Variants in MAP3K10 observed in about 807,000 individuals in gnomAD.
MAP3K10 encodes the protein MKN28 derived nonreceptor_type serine/threonine kinase.
In MAP3K10, 22 loss-of-function variants were observed where a neutral mutation model predicts 75.0. The observed-to-expected ratio is 0.29, with a 90% confidence interval of 0.21 to 0.42. MAP3K10 has a LOEUF of 0.42. MAP3K10 is among the 10% of genes least tolerant of loss of function. The pLI is 1.00. For missense variants in MAP3K10, 1,165 were observed against 1,379.8 expected (o/e 0.84, Z 2.47); for synonymous variants, 599 against 612.9 (o/e 0.98, Z 0.34).
chr19:40,194,801 G>A (rs1397038183), intron 1 of MAP3K10, among the ~76,000 whole-genome samples: 1 of 152,192 alleles, frequency 6.6e-6, no homozygotes, highest in Admixed American at 6.5e-5. Context: ...TTACAGAAGT[G>A]AACAAGGCAA....
chr19:40,210,696 G>A (rs1689707946), intron 6 of MAP3K10, among the ~76,000 whole-genome samples: 1 of 151,084 alleles, frequency 6.6e-6, no homozygotes, highest in Non-Finnish European at 1.5e-5. Flanking sequence ...GTGAGACTCA[G>A]TCTCAAAAAA....
In MAP3K10 at chr19:40,214,002, T is replaced by TGCCCCCCA; in HGVS notation, c.2323_2324insGCCCCCCA (p.Ser775CysfsTer50). The TGCCCCCCA allele has an allele frequency of 6.7e-7, 1 of 1,493,668 alleles. No individual in the cohort carries two copies. The highest frequency in any genetic ancestry group is 8.9e-7 in the Non-Finnish European group (1 of 1,123,852). 92.5% of individuals were successfully genotyped at this position (1,493,668 alleles called of 1,614,324 possible). On this transcript the variant is annotated frameshift_variant, in exon 9 of 10. Transcript: ENST00000253055. LOFTEE classifies it high-confidence loss of function. ...TGACGAGGCCGCACCGGCCGCGCCC[T>TGCCCCCCA]CCCCACCACCCTCCCCGCCCGCGCC...
chr19:40,208,930 A>G (rs1973184464), intron 5 of MAP3K10, among the ~76,000 whole-genome samples, 173 bp from the exon 6 acceptor site: 1 of 152,190 alleles, frequency 6.6e-6, no homozygotes, highest in African/African-American at 2.4e-5. Flanking sequence ...AGAAATTTTC[A>G]GCTGATGGTG....
chr19:40,197,313 C>T (rs1568487391), intron 1 of MAP3K10, among the ~76,000 whole-genome samples: 1 of 152,008 alleles, frequency 6.6e-6, no homozygotes, highest in Non-Finnish European at 1.5e-5. Flanking sequence ...TGCACTCTGC[C>T]TTTGTTTTTG....
rs1461889398 is a variant in MAP3K10, at chr19:40,192,383, C to G, written c.352C>G (p.Arg118Gly). The part of the protein sequence containing the change: ...GFGKVYRALW[R>G]GEEVAVKAAR... Reference sequence around the variant, plus strand: ...TGGCAAGGTCTATCGGGCCCTGTGGCGTGGCGAGGAGGTGGCAGTCAAGGC... The same window carrying G: ...TGGCAAGGTCTATCGGGCCCTGTGGGGTGGCGAGGAGGTGGCAGTCAAGGC... The change falls in exon 1 of 10, where the codon CGT (arginine) becomes GGT (glycine). Residue 118 changes from arginine to glycine, a missense_variant. Physicochemically the swap from Arg to Gly is moderately radical, Grantham distance 125. Coordinates refer to ENST00000253055, the MANE Select transcript of MAP3K10 (RefSeq NM_002446.4). The surrounding 1 kb of genome is among the most constrained non-coding windows in gnomAD (Gnocchi z 7.1). 3.1e-6 allele frequency: 5 copies of G among 1,613,802 alleles called. No individual in the cohort carries two copies. The highest frequency in any genetic ancestry group is 4.2e-6 in the Non-Finnish European group (5 of 1,179,908).
At chr19:40,200,596 C>T (rs1048430243) in intron 2 of MAP3K10, among the ~76,000 whole-genome samples, 3 of 140,146 alleles carry the variant, frequency 2.1e-5, no homozygotes, top group Non-Finnish European at 3.1e-5. Context: ...GTACATCAGG[C>T]GTTCATTTGT....
rs1352700113 is a variant in MAP3K10 at position 40,191,586 on chromosome 19, G to T, written c.-446G>T. ...CCCGGCCCGGGGCGGCCGCCCCAGG[G>T]GCCCCGCCACCCCCGCCCGGCCCGG... On this transcript the variant is annotated 5_prime_UTR_variant, in exon 1 of 10. Coordinates refer to ENST00000253055, the MANE Select transcript of MAP3K10 (RefSeq NM_002446.4). Among the ~76,000 whole-genome samples the T allele has an allele frequency of 6.8e-6, 1 of 147,516 alleles. No homozygotes were observed. The highest frequency in any genetic ancestry group is 1.5e-5 in the Non-Finnish European group (1 of 66,240).
chr19:40,215,355 C>T lies in MAP3K10; in HGVS notation c.*63C>T. On this transcript the variant is annotated 3_prime_UTR_variant, in exon 10 of 10. Coordinates refer to ENST00000253055, the MANE Select transcript of MAP3K10 (RefSeq NM_002446.4). The stretch of plus-strand genomic sequence containing the variant: ...GTAGCGCCCCAGGCCCTGCCCCAGC[C>T]CGCCATGCCACAAGGTGGGGGAGGC... 2.1e-6 allele frequency: 3 copies of T among 1,430,746 alleles called. No homozygotes were observed. The highest frequency in any genetic ancestry group is 2.8e-6 in the Non-Finnish European group (3 of 1,061,920). The allele number at this position is 1,430,746 out of a possible 1,614,324, so 88.6% of individuals were successfully genotyped here.
rs146363391 is a variant in MAP3K10, at chr19:40,212,973, A to T, written c.1721A>T (p.Glu574Val). The change falls in exon 7 of 10, where the codon GAG becomes GTG. Residue 574 changes from glutamate (E) to valine (V), a missense_variant. Glu to Val is a moderately radical substitution (Grantham distance 121). Coordinates refer to ENST00000253055, the MANE Select transcript of MAP3K10 (RefSeq NM_002446.4). This position sits in a 1 kb window ranked among gnomAD's most constrained non-coding sequence, Gnocchi z 4.2. ...CAGAAGGAGCGGGTGGGAGGAGAGGAGAGGTGAGGTGTGGTGTGGTCATGC... is the reference window on the plus strand; with the variant it reads ...CAGAAGGAGCGGGTGGGAGGAGAGGTGAGGTGAGGTGTGGTGTGGTCATGC... ...TLQKERVGGE[E>V]RLKGLGEGSK... is the part of the protein sequence containing the mutation. The T allele has an allele frequency of 6.2e-7, 1 of 1,601,408 alleles. No homozygotes were observed. Among genetic ancestry groups the T allele is most frequent in the Non-Finnish European group, 8.5e-7 (1 of 1,173,512 alleles).
chr19:40,214,882 A>G lies in MAP3K10; in HGVS notation c.2543-88A>G, dbSNP rs1396035052. 8.9e-6 allele frequency: 6 copies of G among 676,658 alleles called. No individual in the cohort carries two copies. The African/African-American group carries it at 1.1e-4, about 12-fold the overall frequency. The allele number at this position is 676,658 out of a possible 1,614,324, so 41.9% of individuals were successfully genotyped here. A position where few individuals can be genotyped will look rare whatever the true frequency, so the allele number is the denominator to read the frequency against. ...CCACGGATTTCTCGAGAGAAACCAG[A>G]ACTTGTGCTTTTCATGTAACAGCTC... On this transcript the variant is annotated intron_variant, in intron 9 of 9. Coordinates refer to ENST00000253055, the MANE Select transcript of MAP3K10 (RefSeq NM_002446.4).
rs748219350 is a variant in MAP3K10 at position 40,212,945 on chromosome 19, C to A, written c.1693C>A (p.Leu565Met). The A allele has an allele frequency of 6.2e-7, 1 of 1,610,748 alleles. No individual in the cohort carries two copies. The highest frequency in any genetic ancestry group is 2.2e-5 in the East Asian group (1 of 44,868). Residue 565 changes from leucine to methionine, a missense_variant, in exon 7 of 10, where the codon CTG (leucine) becomes ATG (methionine). By Grantham distance (15) the Leu-to-Met change is conservative. Transcript: ENST00000253055. The surrounding 1 kb of genome is among the most constrained non-coding windows in gnomAD (Gnocchi z 4.2). The stretch of plus-strand genomic sequence containing the variant: ...ACGAACGTGGGGGCCCAGCTCCACC[C>A]TGCAGAAGGAGCGGGTGGGAGGAGA... ...KGRTWGPSSTLQKERVGGEER... is the reference protein window; with the variant it reads ...KGRTWGPSSTMQKERVGGEER...
chr19:40,192,662 C>A lies in MAP3K10; in HGVS notation c.631C>A (p.His211Asn). ...VQVARGMNYL[H>N]NDAPVPIIHR... The stretch of plus-strand genomic sequence containing the variant: ...GGTGGCCCGGGGCATGAACTACCTA[C>A]ACAATGATGCCCCTGTGCCCATCAT... The change falls in exon 1 of 10, where the codon CAC (histidine) becomes AAC (asparagine). Residue 211 changes from histidine to asparagine, a missense_variant. Around this residue, in one of 2 missense-constraint regions of MAP3K10, gnomAD observed 575 missense variants for 793.2 expected, o/e 0.72. Coordinates refer to ENST00000253055, the MANE Select transcript of MAP3K10 (RefSeq NM_002446.4). This position sits in a 1 kb window ranked among gnomAD's most constrained non-coding sequence, Gnocchi z 7.1. 6.3e-7 allele frequency: 1 copy of A among 1,584,066 alleles called. No individual in the cohort carries two copies. The highest frequency in any genetic ancestry group is 1.2e-5 in the South Asian group (1 of 85,904).
chr19:40,195,522 C>G (rs1040126154), intron 1 of MAP3K10, among the ~76,000 whole-genome samples: 11 of 111,462 alleles, frequency 9.9e-5, no homozygotes, highest in Non-Finnish European at 1.7e-4. Flanking sequence ...ACAGAGTCAT[C>G]TCACTCTGTG....
Position 40,212,332 on chromosome 19 carries a change from G to A in MAP3K10, c.1553-473G>A, listed in dbSNP as rs550568293. Among the ~76,000 whole-genome samples the A allele has an allele frequency of 6.6e-6, 1 of 152,006 alleles. No homozygotes were observed. ...CCCACCCACAGCCCCCCTGCCCTCT[G>A]TCTGGGCACCTGCTTTGTACCAGGC... is the stretch of plus-strand genomic sequence containing the variant. On this transcript the variant is annotated intron_variant, in intron 6 of 9. Transcript: ENST00000253055. This position sits in a 1 kb window ranked among gnomAD's most constrained non-coding sequence, Gnocchi z 4.2.
Position 40,213,582 on chromosome 19 carries a change from T to C in MAP3K10, c.1903T>C (p.Tyr635His). ...VPPSPYSTPS[Y>H]LSVPLPAEPS... is the part of the protein sequence containing the mutation. Reference sequence around the variant, plus strand: ...CCCTTCCCCCTACTCGACCCCGTCCTACCTCTCAGTGCCACTGCCTGCCGA... The same window carrying C: ...CCCTTCCCCCTACTCGACCCCGTCCCACCTCTCAGTGCCACTGCCTGCCGA... Residue 635 changes from tyrosine (Y) to histidine (H), a missense_variant, in exon 9 of 10, where the codon TAC becomes CAC. Tyr to His is a moderately conservative substitution (Grantham distance 83). Around this residue, in one of 2 missense-constraint regions of MAP3K10, gnomAD observed 590 missense variants for 586.6 expected, o/e 1.01. Coordinates refer to ENST00000253055, the MANE Select transcript of MAP3K10 (RefSeq NM_002446.4). This position sits in a 1 kb window ranked among gnomAD's most constrained non-coding sequence, Gnocchi z 5.7. 1.2e-6 allele frequency: 2 copies of C among 1,607,634 alleles called. No homozygotes were observed. Among genetic ancestry groups the C allele is most frequent in the Non-Finnish European group, 1.7e-6 (2 of 1,177,446 alleles).
chr19:40,212,206 G>A lies in MAP3K10; in HGVS notation c.1553-599G>A, dbSNP rs766791886. 2.6e-5 allele frequency among the ~76,000 whole-genome samples: 4 copies of A among 152,180 alleles called. No homozygotes were observed. Among genetic ancestry groups the A allele is most frequent in the Middle Eastern group, 3.2e-3 (1 of 316 alleles). ...TTGGAAGGGACAGATGTCCACAGTC[G>A]GGGCTATATGGCAGAGACACGGTCA... On this transcript the variant is annotated intron_variant, in intron 6 of 9. Coordinates refer to ENST00000253055, the MANE Select transcript of MAP3K10 (RefSeq NM_002446.4). The surrounding 1 kb of genome is among the most constrained non-coding windows in gnomAD (Gnocchi z 4.2).
In MAP3K10 at chr19:40,215,058, C is replaced by T; in HGVS notation, c.2631C>T (p.Arg877=). The T allele has an allele frequency of 1.2e-6, 2 of 1,606,440 alleles. No homozygotes were observed. ...GCCGGCCCCCTGAGTTCCCAGGCCGCCCCACCACCCTGACCTTTGCCCCGA... is the reference window on the plus strand; with the variant it reads ...GCCGGCCCCCTGAGTTCCCAGGCCGTCCCACCACCCTGACCTTTGCCCCGA... The part of the protein sequence containing the change: ...ARRRPPEFPG[R]PTTLTFAPRP... Residue 877 remains arginine, a synonymous_variant, in exon 10 of 10, where the codon CGC becomes CGT. Transcript: ENST00000253055.
intron 1 of MAP3K10, among the ~76,000 whole-genome samples, chr19:40,196,154 G>A (rs1972902006): frequency 6.6e-6 from 1 of 152,126 alleles, no homozygotes; most frequent in Admixed American, 6.6e-5. Context: ...TATGCACCTA[G>A]GAAGAAGCAG....
rs1973294024 is a variant in MAP3K10 at position 40,213,933 on chromosome 19, G to A, written c.2254G>A (p.Val752Met). 9 of 1,528,336 alleles carry A rather than the reference G, an allele frequency of 5.9e-6. No homozygotes were observed. The East Asian group carries it at 1.3e-4, about 22-fold the overall frequency. The allele number at this position is 1,528,336 out of a possible 1,614,324, so 94.7% of individuals were successfully genotyped here. The change falls in exon 9 of 10, where the codon GTG (valine) becomes ATG (methionine). Residue 752 changes from valine (V) to methionine (M), a missense_variant. Transcript: ENST00000253055. The surrounding 1 kb of genome is among the most constrained non-coding windows in gnomAD (Gnocchi z 5.7). Reference sequence around the variant, plus strand: ...GGCCACCCTCGTGTCGCTGTCGTCCGTGTCCGACTGCAACTCCACGCGTTC... The same window carrying A: ...GGCCACCCTCGTGTCGCTGTCGTCCATGTCCGACTGCAACTCCACGCGTTC... ...PSATLVSLSS[V>M]SDCNSTRSLL...
Sources: allele counts gnomAD v4.1 joint callset (sites outside exome capture counted in the v4.1 genomes callset), GRCh38; gene constraint gnomAD v4.1.1; regional missense constraint gnomAD v4.1.1; non-coding constraint Gnocchi (gnomAD v3.1); transcripts MANE v1.5; gene names NCBI Gene and HGNC (gene_info 2026-07-23, HGNC 2026-07-21).